GABRB2: variants seen among roughly 807,000 people sequenced by gnomAD.
GABRB2 encodes the protein gamma-aminobutyric acid type A receptor subunit beta2.
GABRB2 carries 16 observed loss-of-function variants against 54.7 expected under a neutral mutation model. That is an observed-to-expected ratio of 0.29 (90% CI 0.20 to 0.44). GABRB2 has a LOEUF of 0.44. Among genes scored for constraint, GABRB2 ranks in the 20% least tolerant of loss-of-function variants. The probability of loss-of-function intolerance (pLI) is 1.00; values close to 1 mark genes in which losing one functional copy is unlikely to be tolerated. For missense variants in GABRB2, 355 were observed against 644.0 expected, an observed-to-expected ratio of 0.55 and a Z score of 4.86; for synonymous variants, 244 against 233.8, an observed-to-expected ratio of 1.04 and a Z score of -0.40.
At chr5:161,348,762 T>C (rs946030008) in intron 5 of GABRB2, among the ~76,000 whole-genome samples, 1 of 152,136 alleles carries the variant, frequency 6.6e-6, no homozygotes, top group Non-Finnish European at 1.5e-5. Context: ...CACTTTTGAA[T>C]AGCTAGGGAT....
chr5:161,529,296 T>C (rs1760381115), intron 3 of GABRB2, among the ~76,000 whole-genome samples: 1 of 152,040 alleles, frequency 6.6e-6, no homozygotes. Flanking sequence ...GTTCGATTTA[T>C]GTGGGTTTCC....
chr5:161,415,766 C>G (rs1756645589), intron 4 of GABRB2, among the ~76,000 whole-genome samples: 1 of 152,020 alleles, frequency 6.6e-6, no homozygotes, highest in South Asian at 2.1e-4. Flanking sequence ...GCAACTGCCA[C>G]CACACCCAGC....
intron 5 of GABRB2, among the ~76,000 whole-genome samples, chr5:161,373,786 A>G (rs936757574): frequency 1.3e-5 from 2 of 152,172 alleles, no homozygotes; most frequent in Admixed American, 1.3e-4. Flanking sequence ...TCAGTAAGCA[A>G]CTTCCAGCCT....
In GABRB2 at chr5:161,538,083, T is replaced by C. The variant is rs578200371; in HGVS notation, c.237+7144A>G. ...CATGACCCCACATTGTGATTCTTTC[T>C]ACACTTGTTGTTCCAAATGGTGAAT... On this transcript the variant is annotated intron_variant, in intron 3 of 9. Transcript: ENST00000393959. Among the ~76,000 whole-genome samples the C allele has an allele frequency of 5.9e-5, 9 of 152,260 alleles. No homozygotes were observed. In the South Asian group the frequency reaches 6.2e-4, roughly 11 times the overall value.
chr5:161,428,282 G>C (rs1642417877), intron 4 of GABRB2, among the ~76,000 whole-genome samples: 1 of 136,980 alleles, frequency 7.3e-6, no homozygotes, highest in Non-Finnish European at 1.5e-5. Flanking sequence ...TCATCTCAGA[G>C]AGTTACGTGT....
chr5:161,331,264 G>T, intron 7 of GABRB2, 137 bp from the exon 8 acceptor site: 1 of 976,768 alleles, frequency 1.0e-6, no homozygotes, highest in Non-Finnish European at 1.5e-6. Context: ...ACTATTGCAT[G>T]CCAGCCCTAG....
intron 5 of GABRB2, among the ~76,000 whole-genome samples, chr5:161,351,916 G>T (rs1385421613): frequency 6.6e-6 from 1 of 151,984 alleles, no homozygotes; most frequent in African/African-American, 2.4e-5. Flanking sequence ...TTTCTTAAAA[G>T]AAGACATATA....
At chr5:161,477,201 A>G (rs1758618017) in intron 3 of GABRB2, among the ~76,000 whole-genome samples, 1 of 151,638 alleles carries the variant, frequency 6.6e-6, no homozygotes, top group African/African-American at 2.4e-5. Flanking sequence ...ACTAATCATT[A>G]TAAAAATGCA....
At chr5:161,386,766 C>T (rs527590974) in intron 5 of GABRB2, among the ~76,000 whole-genome samples, 2 of 151,200 alleles carry the variant, frequency 1.3e-5, no homozygotes, top group Admixed American at 6.6e-5. Flanking sequence ...GGTCTCCAAT[C>T]CCTGAGCTCA....
intron 5 of GABRB2, among the ~76,000 whole-genome samples, chr5:161,360,456 G>A (rs1216455253): frequency 6.6e-6 from 1 of 152,170 alleles, no homozygotes. Flanking sequence ...CTTGTAATAT[G>A]TTTATTTCTA....
intron 3 of GABRB2, among the ~76,000 whole-genome samples, chr5:161,464,066 G>T (rs1038433454): frequency 6.6e-6 from 1 of 151,806 alleles, no homozygotes; most frequent in Non-Finnish European, 1.5e-5. Flanking sequence ...AAACCTAAAA[G>T]TATAAGCAAT....
chr5:161,368,003 G>A (rs1382671972), intron 5 of GABRB2, among the ~76,000 whole-genome samples: 2 of 152,020 alleles, frequency 1.3e-5, no homozygotes, highest in Non-Finnish European at 2.9e-5. Flanking sequence ...GATGTAGGTA[G>A]AAATCTTAAC....
At chr5:161,401,081 C>T (rs944370388) in intron 5 of GABRB2, among the ~76,000 whole-genome samples, 6 of 152,204 alleles carry the variant, frequency 3.9e-5, no homozygotes, top group African/African-American at 1.4e-4. Flanking sequence ...CAGGATGATA[C>T]AGGTAGTCTA....
At chr5:161,425,814 G>A (rs1027253406) in intron 4 of GABRB2, among the ~76,000 whole-genome samples, 1 of 152,180 alleles carries the variant, frequency 6.6e-6, no homozygotes, top group South Asian at 2.1e-4. Flanking sequence ...AAATAATGGG[G>A]TACCATCTTT....
intron 3 of GABRB2, among the ~76,000 whole-genome samples, chr5:161,464,448 C>T (rs1437603269): frequency 6.6e-6 from 1 of 152,030 alleles, no homozygotes; most frequent in Non-Finnish European, 1.5e-5. Context: ...ACTGACAATT[C>T]CGAGTGCTGG....
At chr5:161,322,379 G>A (rs1253726387) in intron 9 of GABRB2, among the ~76,000 whole-genome samples, 1 of 152,084 alleles carries the variant, frequency 6.6e-6, no homozygotes, top group Non-Finnish European at 1.5e-5. Flanking sequence ...GGGACTACAG[G>A]CATGTGCCAC....
intron 3 of GABRB2, among the ~76,000 whole-genome samples, chr5:161,525,879 C>G (rs1175919961): frequency 2.0e-5 from 3 of 151,144 alleles, no homozygotes; most frequent in African/African-American, 7.3e-5. Context: ...ATTTCATACC[C>G]AAATTTATAT....
At chr5:161,510,193 G>A (rs916276856) in intron 3 of GABRB2, among the ~76,000 whole-genome samples, 1 of 151,618 alleles carries the variant, frequency 6.6e-6, no homozygotes, top group East Asian at 1.9e-4. Context: ...GTTACTCATT[G>A]TGCTATCAAA....
intron 4 of GABRB2, among the ~76,000 whole-genome samples, chr5:161,449,975 TATA>T: frequency 6.6e-6 from 1 of 152,190 alleles, no homozygotes; most frequent in Non-Finnish European, 1.5e-5. Flanking sequence ...ATATCAATGC[TATA>T]TATAGATATT....
Sources: allele counts gnomAD v4.1 joint callset (sites outside exome capture counted in the v4.1 genomes callset), GRCh38; gene constraint gnomAD v4.1.1; transcripts MANE v1.5; gene names NCBI Gene and HGNC (gene_info 2026-07-23, HGNC 2026-07-21).